Variants in NUP133 observed in about 807,000 individuals in gnomAD.
NUP133 encodes nuclear pore complex protein Nup133.
In NUP133, 66 loss-of-function variants were observed where a neutral mutation model predicts 146.2. The ratio of observed to expected loss-of-function variants is 0.45; its 90% CI spans 0.37 to 0.55. The LOEUF is 0.55. Among genes scored for constraint, NUP133 ranks in the 20% least tolerant of loss-of-function variants. The pLI is 0.00. For synonymous variants in NUP133, 521 were observed against 498.8 expected, an observed-to-expected ratio of 1.04 and a Z score of -0.59; for missense variants, 1,277 against 1,374.8, an observed-to-expected ratio of 0.93 and a Z score of 1.12.
Position 229,486,443 on chromosome 1 carries a change from C to T in NUP133, c.1428G>A (p.Arg476=), listed in dbSNP as rs1341904893. ...CTTCTGCCAATATAGACACATTTTC[C>T]CTTGAAGTAATAGACACCAGTCCAC... The part of the protein sequence containing the change: ...RNSGLVSITS[R]ENVSILAEDL... Residue 476 remains arginine, a synonymous_variant, in exon 11 of 26, where the codon AGG becomes AGA. Transcript: ENST00000261396. 6.2e-7 allele frequency: 1 copy of T among 1,610,588 alleles called. No homozygotes were observed. Among genetic ancestry groups the T allele is most frequent in the African/African-American group, 1.3e-5 (1 of 74,340 alleles).
chr1:229,475,782 A>C, intron 13 of NUP133, 50 bp from the exon 14 acceptor site: 2 of 1,407,444 alleles, frequency 1.4e-6, no homozygotes, highest in South Asian at 2.3e-5. Flanking sequence ...TTACAACTAT[A>C]CTATTTTAAT....
intron 20 of NUP133, among the ~76,000 whole-genome samples, chr1:229,460,201 A>T (rs914090039): frequency 6.6e-6 from 1 of 152,096 alleles, no homozygotes; most frequent in Non-Finnish European, 1.5e-5. Flanking sequence ...CCATTCATTC[A>T]TTCACTTATT....
chr1:229,490,294 T>C (rs1468041930), intron 8 of NUP133, among the ~76,000 whole-genome samples, 192 bp from the exon 9 acceptor site: 1 of 152,236 alleles, frequency 6.6e-6, no homozygotes, highest in East Asian at 1.9e-4. Context: ...ATGACTGTAG[T>C]GGCTTTATTC....
chr1:229,488,632 T>G (rs960038593), intron 9 of NUP133, among the ~76,000 whole-genome samples: 1 of 151,972 alleles, frequency 6.6e-6, no homozygotes, highest in Non-Finnish European at 1.5e-5. Flanking sequence ...ATCAAAAGAT[T>G]TTCTTACAGG....
At chr1:229,490,621 T>C (rs1661487176) in intron 8 of NUP133, among the ~76,000 whole-genome samples, 1 of 152,180 alleles carries the variant, frequency 6.6e-6, no homozygotes, top group South Asian at 2.1e-4. Context: ...AAAACTGTTC[T>C]GTATTGATTG....
chr1:229,464,928 A>G, intron 17 of NUP133, 53 bp from the exon 18 acceptor site: 1 of 1,597,376 alleles, frequency 6.3e-7, no homozygotes, highest in East Asian at 2.2e-5. Context: ...AGTGATGGCT[A>G]AAGGAAAGAC....
In NUP133 at chr1:229,450,425, T is replaced by C. The variant is rs537315414; in HGVS notation, c.3180+100A>G. Reference sequence around the variant, plus strand: ...GGTAGTTGAACCACAGATACAGTCTTTTTTGCTTAATTCATTTTCATGATT... The same window carrying C: ...GGTAGTTGAACCACAGATACAGTCTCTTTTGCTTAATTCATTTTCATGATT... On this transcript the variant is annotated intron_variant, in intron 23 of 25. Transcript: ENST00000261396. The C allele has an allele frequency of 7.5e-5, 44 of 589,484 alleles. No individual in the cohort carries two copies. In the South Asian group the frequency reaches 1.1e-3, roughly 15 times the overall value. 36.5% of individuals were successfully genotyped at this position (589,484 alleles called of 1,614,324 possible). A position where few individuals can be genotyped will look rare whatever the true frequency, so the allele number is the denominator to read the frequency against.
intron 6 of NUP133, among the ~76,000 whole-genome samples, chr1:229,496,932 G>A (rs976938118): frequency 1.3e-5 from 2 of 152,220 alleles, no homozygotes; most frequent in African/African-American, 4.8e-5. Context: ...AATAGCTTCT[G>A]AACACAGAAT....
chr1:229,482,268 A>G (rs1376539834), intron 12 of NUP133, among the ~76,000 whole-genome samples: 1 of 152,202 alleles, frequency 6.6e-6, no homozygotes, highest in Non-Finnish European at 1.5e-5. Context: ...GTGAGCCGCT[A>G]TGCATCAGAC....
intron 3 of NUP133, among the ~76,000 whole-genome samples, chr1:229,501,412 T>C (rs147019335): frequency 6.2e-4 from 95 of 152,228 alleles, no homozygotes; most frequent in East Asian, 3.7e-3. Context: ...AAGTGAAGAA[T>C]TGAGGTAAGC....
At chr1:229,501,385 AAC>A (rs1661793313) in intron 3 of NUP133, among the ~76,000 whole-genome samples, 1 of 152,212 alleles carries the variant, frequency 6.6e-6, no homozygotes, top group Non-Finnish European at 1.5e-5. Context: ...AGGCAGCAGT[AAC>A]ACAGAGTTCA....
chr1:229,492,039 T>C (rs538560521), intron 8 of NUP133, among the ~76,000 whole-genome samples: 2 of 152,200 alleles, frequency 1.3e-5, no homozygotes, highest in Middle Eastern at 3.2e-3. Flanking sequence ...AGCAAACTTG[T>C]TGCTCCCAAT....
chr1:229,496,815 C>T (rs1661666572), intron 6 of NUP133, among the ~76,000 whole-genome samples: 1 of 151,930 alleles, frequency 6.6e-6, no homozygotes, highest in Non-Finnish European at 1.5e-5. Context: ...GACCCTGTCT[C>T]TATTTTTAAA....
intron 24 of NUP133, among the ~76,000 whole-genome samples, chr1:229,447,718 C>T (rs768088164): frequency 5.9e-5 from 9 of 152,264 alleles, no homozygotes; most frequent in South Asian, 2.1e-4. Flanking sequence ...ATAGCTGACA[C>T]GTGGAGGTTC....
At chr1:229,483,481 G>A (rs2102772057) in intron 12 of NUP133, among the ~76,000 whole-genome samples, 1 of 152,104 alleles carries the variant, frequency 6.6e-6, no homozygotes, top group South Asian at 2.1e-4. Context: ...CACTTTAGGA[G>A]TCAGCCTAAA....
intron 19 of NUP133, among the ~76,000 whole-genome samples, chr1:229,463,158 G>A (rs906425674): frequency 3.3e-5 from 5 of 152,194 alleles, no homozygotes; most frequent in Non-Finnish European, 7.4e-5. Flanking sequence ...GGAGGCTGAA[G>A]CAGGAGGATC....
intron 2 of NUP133, among the ~76,000 whole-genome samples, chr1:229,504,189 A>C (rs1661878254): frequency 6.6e-6 from 1 of 152,116 alleles, no homozygotes; most frequent in Non-Finnish European, 1.5e-5. Flanking sequence ...AGAGTTATTC[A>C]CAGTATAATA....
intron 8 of NUP133, among the ~76,000 whole-genome samples, chr1:229,492,919 A>AT (rs1047920125): frequency 2.0e-5 from 3 of 151,960 alleles, no homozygotes; most frequent in Non-Finnish European, 4.4e-5. Flanking sequence ...TGAAATAAAA[A>AT]TTTAAAAAAA....
At position 229,489,963 on chromosome 1, in the gene NUP133, G is replaced by A; in HGVS notation, c.1186C>T (p.Pro396Ser). ...VTVEVTQYNP[P>S]FQSEDLILCQ... ...ACCAATATAAATCTTACCTGAAAAG[G>A]TGGATTATATTGAGTGACTTCTACA... Residue 396 changes from proline (P) to serine (S), a missense_variant, in exon 9 of 26, where the codon CCT (proline) becomes TCT (serine). This residue lies in a region of NUP133 where 952 missense variants were observed against 1,047.0 expected (regional missense o/e 0.91). Transcript: ENST00000261396. 3 of 1,588,160 alleles carry A rather than the reference G, an allele frequency of 1.9e-6. No homozygotes were observed. Among genetic ancestry groups the A allele is most frequent in the Non-Finnish European group, 2.6e-6 (3 of 1,167,184 alleles).
Sources: allele counts gnomAD v4.1 joint callset (sites outside exome capture counted in the v4.1 genomes callset), GRCh38; gene constraint gnomAD v4.1.1; regional missense constraint gnomAD v4.1.1; transcripts MANE v1.5; gene names NCBI Gene and HGNC (gene_info 2026-07-23, HGNC 2026-07-21).